TEX11: variants seen among roughly 807,000 people sequenced by gnomAD.
TEX11 encodes the protein testis-expressed protein 11.
TEX11 carries 7 observed loss-of-function variants against 84.4 expected under a neutral mutation model. The observed-to-expected ratio is 0.08, with a 90% CI of 0.05 to 0.16. The LOEUF (loss-of-function observed/expected upper bound fraction) is 0.16. Ranked by LOEUF, TEX11 falls within the 10% of genes least tolerant of loss-of-function variation. The pLI is 1.00. For missense variants in TEX11, 551 were observed against 660.5 expected (o/e 0.83, Z 1.82); for synonymous variants, 264 against 222.8 (o/e 1.18, Z -1.64).
At chrX:70,674,256 T>G (rs2090049965) in intron 15 of TEX11, among the ~76,000 whole-genome samples, 1 of 112,572 alleles carries the variant, frequency 8.9e-6, no homozygotes, top group African/African-American at 3.2e-5. Flanking sequence ...CTGCATAATA[T>G]TCTATGGTGT....
intron 9 of TEX11, among the ~76,000 whole-genome samples, chrX:70,752,306 C>T (rs2090832016): frequency 9.1e-6 from 1 of 109,632 alleles, no homozygotes; most frequent in Non-Finnish European, 1.9e-5. Context: ...GCTTTTATCA[C>T]CTGAAGTCAG....
At chrX:70,907,923 T>C in intron 1 of TEX11, 113 bp from the exon 2 acceptor site, 4 of 528,846 alleles carry the variant, frequency 7.6e-6, no homozygotes, top group Non-Finnish European at 1.2e-5. Context: ...AAAAAAAGGC[T>C]GAGTAAAGTT....
intron 28 of TEX11, among the ~76,000 whole-genome samples, chrX:70,544,491 C>T (rs1281072786): frequency 6.3e-5 from 7 of 111,517 alleles, no homozygotes; most frequent in Non-Finnish European, 1.9e-5. Flanking sequence ...CATGCCACTG[C>T]ACTCCAGCCT....
chrX:70,828,599 T>C (rs1487872859), intron 8 of TEX11, among the ~76,000 whole-genome samples: 2 of 109,908 alleles, frequency 1.8e-5, no homozygotes, highest in Non-Finnish European at 3.8e-5. Flanking sequence ...ATCTAGAAAA[T>C]AGCCTCAAAA....
At chrX:70,706,775 G>A (rs1034080099) in intron 13 of TEX11, among the ~76,000 whole-genome samples, 2 of 110,801 alleles carry the variant, frequency 1.8e-5, no homozygotes, top group Admixed American at 9.6e-5. Flanking sequence ...AATTTCCACT[G>A]CTATCAACCT....
chrX:70,787,177 AT>A (rs2091084796), intron 9 of TEX11, among the ~76,000 whole-genome samples: 1 of 112,102 alleles, frequency 8.9e-6, no homozygotes, highest in Non-Finnish European at 1.9e-5. Flanking sequence ...ACATTTTTTC[AT>A]TATAAAACTC....
At chrX:70,553,222 A>G in intron 27 of TEX11, 84 bp downstream of exon 27, 2 of 565,262 alleles carry the variant, frequency 3.5e-6, no homozygotes, top group South Asian at 4.0e-5. Context: ...TTTAAAGTTG[A>G]GTCAATTAAG....
At chrX:70,587,112 T>C (rs1387328369) in intron 25 of TEX11, among the ~76,000 whole-genome samples, 3 of 112,007 alleles carry the variant, frequency 2.7e-5, no homozygotes, top group South Asian at 3.7e-4. Flanking sequence ...TTGGAACTTA[T>C]GTTTAAAAGG....
chrX:70,622,027 G>A (rs1282460805), intron 20 of TEX11, among the ~76,000 whole-genome samples: 1 of 111,377 alleles, frequency 9.0e-6, no homozygotes, highest in African/African-American at 3.3e-5. Flanking sequence ...TAGTACTTAG[G>A]TAGATACTGC....
At chrX:70,556,590 C>G (rs758573415) in intron 25 of TEX11, among the ~76,000 whole-genome samples, 2 of 111,520 alleles carry the variant, frequency 1.8e-5, no homozygotes, top group Non-Finnish European at 3.8e-5. Context: ...TTTGAAAAAA[C>G]TGTATTCTGC....
intron 4 of TEX11, among the ~76,000 whole-genome samples, chrX:70,863,391 T>C (rs1219992743): frequency 3.6e-5 from 4 of 111,999 alleles, no homozygotes; most frequent in African/African-American, 1.3e-4. Context: ...GGCAGCAATC[T>C]TTGCTGTTCT....
intron 24 of TEX11, among the ~76,000 whole-genome samples, chrX:70,595,438 A>G (rs1336660433): frequency 9.0e-6 from 1 of 111,645 alleles, no homozygotes; most frequent in East Asian, 2.8e-4. Context: ...ATACTATAAG[A>G]TGTATTGTTG....
rs768889007 is a variant in TEX11, at chrX:70,760,768, T to C, written c.693-16549A>G. On this transcript the variant is annotated intron_variant, in intron 9 of 29. Transcript: ENST00000374333. Reference sequence around the variant, plus strand: ...GCAAAAATTGACAAATGGGATCTAATTGAACTAAAGAGCTTCTGCACGGCA... The same window carrying C: ...GCAAAAATTGACAAATGGGATCTAACTGAACTAAAGAGCTTCTGCACGGCA... Among the ~76,000 whole-genome samples the C allele has an allele frequency of 3.1e-4, 35 of 111,751 alleles. 1 individual carries two copies. The highest frequency in any genetic ancestry group is 1.1e-3 in the African/African-American group (35 of 30,792).
chrX:70,707,968 A>T (rs1399053868), intron 13 of TEX11, among the ~76,000 whole-genome samples: 3 of 111,222 alleles, frequency 2.7e-5, no homozygotes, highest in East Asian at 5.6e-4. Flanking sequence ...AGCATAAAAA[A>T]AATCTATCAA....
chrX:70,738,432 TAA>T (rs1177542446), intron 11 of TEX11, among the ~76,000 whole-genome samples: 1 of 111,884 alleles, frequency 8.9e-6, no homozygotes, highest in Non-Finnish European at 1.9e-5. Context: ...TGACAATTAT[TAA>T]AAAGTCAGGA....
chrX:70,786,011 C>T (rs988985209), intron 9 of TEX11, among the ~76,000 whole-genome samples: 9 of 111,783 alleles, frequency 8.1e-5, no homozygotes, highest in Non-Finnish European at 1.5e-4. Context: ...TATAAAGATA[C>T]GTGCACACAT....
chrX:70,606,965 A>G lies in TEX11; in HGVS notation c.1944T>C (p.Ser648=). The change falls in exon 23 of 30, where the codon TCT becomes TCC. Residue 648 remains serine, a synonymous_variant. Coordinates refer to ENST00000374333, the MANE Select transcript of TEX11 (RefSeq NM_031276.3). ...PVMMREFFIL[S]YKMSQFCPSD... ...CTTATTAAAAGAAACTTACCTTATA[A>G]GAAAGTATAAAAAACTCTCTCATCA... is the stretch of plus-strand genomic sequence containing the variant. The G allele has an allele frequency of 8.4e-7, 1 of 1,189,078 alleles. No homozygotes were observed. The highest frequency in any genetic ancestry group is 1.8e-5 in the African/African-American group (1 of 56,993).
chrX:70,729,461 T>C (rs1329567953), intron 11 of TEX11, among the ~76,000 whole-genome samples: 1 of 111,384 alleles, frequency 9.0e-6, no homozygotes, highest in Non-Finnish European at 1.9e-5. Context: ...GAGAAGTCCT[T>C]AAAGGACCTG....
intron 17 of TEX11, among the ~76,000 whole-genome samples, chrX:70,650,263 T>C (rs888139289): frequency 7.2e-5 from 8 of 111,249 alleles, no homozygotes; most frequent in Admixed American, 2.9e-4. Flanking sequence ...CATAGGACCA[T>C]ACACTAGCAA....
Sources: allele counts gnomAD v4.1 joint callset (sites outside exome capture counted in the v4.1 genomes callset), GRCh38; gene constraint gnomAD v4.1.1; transcripts MANE v1.5; gene names NCBI Gene and HGNC (gene_info 2026-07-23, HGNC 2026-07-21).